UBE2T: variants seen among roughly 807,000 people sequenced by gnomAD.
UBE2T encodes ubiquitin conjugating enzyme E2 T, also known as ubiquitin-conjugating enzyme E2 T.
Under a neutral mutation model 23.3 loss-of-function variants are expected in UBE2T, and 15 were observed. The ratio of observed to expected loss-of-function variants is 0.64; its 90% CI spans 0.43 to 0.99. The LOEUF (loss-of-function observed/expected upper bound fraction) is 0.99, where lower values mean the gene tolerates loss of function less well. Ranked by LOEUF, UBE2T falls within the 50% of genes least tolerant of loss-of-function variation. The pLI is 0.00. For synonymous variants in UBE2T, 67 were observed against 78.4 expected, an observed-to-expected ratio of 0.85 and a Z score of 0.77; for missense variants, 197 against 234.9, an observed-to-expected ratio of 0.84 and a Z score of 1.05.
At chr1:202,338,513 G>A (rs980508514) in intron 1 of UBE2T, among the ~76,000 whole-genome samples, 5 of 152,212 alleles carry the variant, frequency 3.3e-5, no homozygotes, top group East Asian at 3.9e-4. Context: ...GAGCCACCTC[G>A]CCCAGCCAAT....
In UBE2T at chr1:202,335,842, T is replaced by C; in HGVS notation, c.-64-24A>G. The stretch of plus-strand genomic sequence containing the variant: ...CACTGGAGGAGAAAAGAGGTGACCA[T>C]AAAATCATCAGCAATAATGACTATG... On this transcript the variant is annotated intron_variant, in intron 1 of 6. Coordinates refer to ENST00000646651, the MANE Select transcript of UBE2T (RefSeq NM_014176.4). This position sits in a 1 kb window ranked among gnomAD's most constrained non-coding sequence, Gnocchi z 4.0. 1.7e-6 allele frequency: 2 copies of C among 1,190,532 alleles called. No individual in the cohort carries two copies. 73.7% of individuals were successfully genotyped at this position (1,190,532 alleles called of 1,614,324 possible).
Position 202,333,101 on chromosome 1 carries a change from G to GAAATCA in UBE2T, c.385-14_385-9dup. The GAAATCA allele has an allele frequency of 6.2e-7, 1 of 1,612,158 alleles. No individual in the cohort carries two copies. The highest frequency in any genetic ancestry group is 8.5e-7 in the Non-Finnish European group (1 of 1,178,352). On this transcript the variant is annotated splice_polypyrimidine_tract_variant and intron_variant, in intron 5 of 6. Coordinates refer to ENST00000646651, the MANE Select transcript of UBE2T (RefSeq NM_014176.4). ...ATATTTAAATTCTGAGGACTGAGAT[G>GAAATCA]AAATCAAAGAAAAGAGTTAATGGAG... is the stretch of plus-strand genomic sequence containing the variant.
At chr1:202,341,577 C>CAAA (rs57598991) in intron 1 of UBE2T, among the ~76,000 whole-genome samples, 2,128 of 20,302 alleles carry the variant, frequency 0.1, 636 homozygotes, top group East Asian at 0.33. Context: ...GACTCCGTCT[C>CAAA]AAAAAAAAAA....
At chr1:202,334,009 T>C (rs1443682941) in intron 3 of UBE2T, among the ~76,000 whole-genome samples, 1 of 152,142 alleles carries the variant, frequency 6.6e-6, no homozygotes, top group East Asian at 1.9e-4. Context: ...GTATCTTTAG[T>C]GAGACACCGA....
At chr1:202,339,229 G>A (rs942998955) in intron 1 of UBE2T, among the ~76,000 whole-genome samples, 5 of 151,664 alleles carry the variant, frequency 3.3e-5, no homozygotes, top group African/African-American at 1.2e-4. Flanking sequence ...TCTTATTCAA[G>A]TTATTTATTC....
chr1:202,335,543 C>CT lies in UBE2T; in HGVS notation c.109+102dup, dbSNP rs1463072531. On this transcript the variant is annotated intron_variant, in intron 2 of 6. Coordinates refer to ENST00000646651, the MANE Select transcript of UBE2T (RefSeq NM_014176.4). The surrounding 1 kb of genome is among the most constrained non-coding windows in gnomAD (Gnocchi z 4.0). ...TAGAAAGATGGTAGGGCACTCTGAC[C>CT]TTATAACTGCTCCTTACTTTAGAAG... 8.5e-7 allele frequency: 1 copy of CT among 1,179,222 alleles called. No individual in the cohort carries two copies. The highest frequency in any genetic ancestry group is 2.4e-5 in the East Asian group (1 of 42,224). The allele number at this position is 1,179,222 out of a possible 1,614,324, so 73.0% of individuals were successfully genotyped here. A position where few individuals can be genotyped will look rare whatever the true frequency, so the allele number is the denominator to read the frequency against.
rs192011530 is a variant in UBE2T, at chr1:202,332,025, G to A, written c.469-65C>T. 1.0e-4 allele frequency: 159 copies of A among 1,581,014 alleles called. 3 individuals carry two copies. In the East Asian group the frequency reaches 3.2e-3, roughly 32 times the overall value. On this transcript the variant is annotated intron_variant, in intron 6 of 6. Transcript: ENST00000646651. ...AAATGCCAGGATGGAGAAAAATGAAGCTCTGTAATATTATTTCCATGTACT... is the reference window on the plus strand; with the variant it reads ...AAATGCCAGGATGGAGAAAAATGAAACTCTGTAATATTATTTCCATGTACT...
intron 3 of UBE2T, 24 bp from the exon 4 acceptor site, chr1:202,333,579 T>C (rs1362037081): frequency 6.3e-7 from 1 of 1,581,836 alleles, no homozygotes; most frequent in South Asian, 1.1e-5. Flanking sequence ...AGACAACAGA[T>C]AATTTTCATT....
At chr1:202,337,422 T>C (rs755998537) in intron 1 of UBE2T, among the ~76,000 whole-genome samples, 1 of 152,238 alleles carries the variant, frequency 6.6e-6, no homozygotes, top group Non-Finnish European at 1.5e-5. Flanking sequence ...TATTCCTACA[T>C]AGCCTTCAAA....
intron 6 of UBE2T, among the ~76,000 whole-genome samples, chr1:202,332,764 C>T (rs968198560): frequency 6.7e-5 from 10 of 149,110 alleles, no homozygotes; most frequent in Admixed American, 2.0e-4. Context: ...AAAAATTAGC[C>T]GGGCGTAGTG....
chr1:202,341,003 T>C (rs1490544069), intron 1 of UBE2T, among the ~76,000 whole-genome samples: 1 of 152,224 alleles, frequency 6.6e-6, no homozygotes, highest in East Asian at 1.9e-4. Context: ...GCACTATTCC[T>C]GCTGCCCATA....
At chr1:202,336,191 C>T (rs912458760) in intron 1 of UBE2T, among the ~76,000 whole-genome samples, 16 of 132,536 alleles carry the variant, frequency 1.2e-4, no homozygotes. Context: ...GGATTACAGG[C>T]GTGAGCCAAT....
At position 202,338,465 on chromosome 1, in the gene UBE2T, C is replaced by T. The variant is rs540227201; in HGVS notation, c.-64-2647G>A. Among the ~76,000 whole-genome samples the T allele has an allele frequency of 1.2e-3, 184 of 152,252 alleles. 1 individual carries two copies. The highest frequency in any genetic ancestry group is 3.4e-3 in the Middle Eastern group (1 of 294). On this transcript the variant is annotated intron_variant, in intron 1 of 6. Transcript: ENST00000646651. ...CGAACCACGGACCTCAGGTAATCCA[C>T]CCATCTCAGCCTCTCAAAGTGCTGG...
intron 3 of UBE2T, 93 bp downstream of exon 3, chr1:202,334,896 C>G: frequency 8.4e-7 from 1 of 1,193,818 alleles, no homozygotes; most frequent in Non-Finnish European, 1.2e-6. Flanking sequence ...AGGATTAAAA[C>G]CTAGTCCTTT....
In UBE2T at chr1:202,335,863, CTA is replaced by C. The variant is rs775309600; in HGVS notation, c.-64-47_-64-46del. 63 of 969,098 alleles carry C rather than the reference CTA, an allele frequency of 6.5e-5. 1 individual carries two copies. The highest frequency in any genetic ancestry group is 6.5e-4 in the Middle Eastern group (3 of 4,644). 60.0% of individuals were successfully genotyped at this position (969,098 alleles called of 1,614,324 possible). On this transcript the variant is annotated intron_variant, in intron 1 of 6. Coordinates refer to ENST00000646651, the MANE Select transcript of UBE2T (RefSeq NM_014176.4). The surrounding 1 kb of genome is among the most constrained non-coding windows in gnomAD (Gnocchi z 4.0). ...ACCATAAAATCATCAGCAATAATGA[CTA>C]TGAAGTTTTCAGCAAACAGCTTCAA...
In UBE2T at chr1:202,335,441, T is replaced by C. The variant is rs1234989701; in HGVS notation, c.109+205A>G. ...CACTGCTTTAAATCTTGGCTATAAA[T>C]CAGCATAAGGTATAATAAAAAGTCA... On this transcript the variant is annotated intron_variant, in intron 2 of 6. Coordinates refer to ENST00000646651, the MANE Select transcript of UBE2T (RefSeq NM_014176.4). This position sits in a 1 kb window ranked among gnomAD's most constrained non-coding sequence, Gnocchi z 4.0. 1.7e-6 allele frequency: 1 copy of C among 580,112 alleles called. No individual in the cohort carries two copies. The highest frequency in any genetic ancestry group is 1.9e-5 in the African/African-American group (1 of 53,626). 35.9% of individuals were successfully genotyped at this position (580,112 alleles called of 1,614,324 possible).
At position 202,335,043 on chromosome 1, in the gene UBE2T, G is replaced by T. The variant is rs543583323; in HGVS notation, c.125C>A (p.Ala42Asp). The change falls in exon 3 of 7, where the codon GCC becomes GAC. Residue 42 changes from alanine (A) to aspartate (D), a missense_variant. By Grantham distance (126) the Ala-to-Asp change is moderately radical (BLOSUM62 -2). Coordinates refer to ENST00000646651, the MANE Select transcript of UBE2T (RefSeq NM_014176.4). The surrounding 1 kb of genome is among the most constrained non-coding windows in gnomAD (Gnocchi z 4.0). The stretch of plus-strand genomic sequence containing the variant: ...AACACCTTTCTCATAAGGTGTGTTG[G>T]CTCCACCTAATATTTCTTAAAAGAA... Reference protein sequence around the residue: ...DDLRAQILGGANTPYEKGVFK... With the variant: ...DDLRAQILGGDNTPYEKGVFK... 5 of 1,611,386 alleles carry T rather than the reference G, an allele frequency of 3.1e-6. No homozygotes were observed. The South Asian group carries it at 4.4e-5, about 14-fold the overall frequency.
chr1:202,332,034 T>A (rs993299758), intron 6 of UBE2T, 74 bp from the exon 7 acceptor site: 1 of 1,559,602 alleles, frequency 6.4e-7, no homozygotes, highest in Non-Finnish European at 8.7e-7. Flanking sequence ...AGCTCTGTAA[T>A]ATTATTTCCA....
chr1:202,336,134 A>G (rs1211172418), intron 1 of UBE2T, among the ~76,000 whole-genome samples: 1 of 151,678 alleles, frequency 6.6e-6, no homozygotes, highest in East Asian at 1.9e-4. Context: ...CTGGTCTCAA[A>G]TGCCTGACCT....
Sources: gnomAD v4.1 joint callset for allele counts (sites outside exome capture counted in the v4.1 genomes callset) on GRCh38, gnomAD v4.1.1 for gene constraint, Gnocchi (gnomAD v3.1) non-coding constraint, MANE v1.5 for transcripts, NCBI Gene and HGNC (gene_info 2026-07-23, HGNC 2026-07-21) for gene names.